ATM: variants seen among roughly 807,000 people sequenced by gnomAD.
ATM encodes ATM serine/threonine kinase.
ATM carries 308 observed loss-of-function variants against 387.0 expected under a neutral mutation model. The observed-to-expected ratio is 0.80, with a 90% CI of 0.73 to 0.87. The LOEUF (loss-of-function observed/expected upper bound fraction) is 0.87, where lower values mean the gene tolerates loss of function less well. Among genes scored for constraint, ATM ranks in the 40% least tolerant of loss-of-function variants. The probability of loss-of-function intolerance (pLI) is 0.00; values close to 1 mark genes in which losing one functional copy is unlikely to be tolerated. For synonymous variants in ATM, 1,156 were observed against 1,187.3 expected, an observed-to-expected ratio of 0.97 and a Z score of 0.54; for missense variants, 3,312 against 3,560.9, an observed-to-expected ratio of 0.93 and a Z score of 1.78.
intron 43 of ATM, among the ~76,000 whole-genome samples, chr11:108,318,517 C>T (rs920051043): frequency 6.6e-5 from 10 of 151,948 alleles, no homozygotes; most frequent in Admixed American, 2.6e-4. Flanking sequence ...TGGTGAAACT[C>T]CATCTCTACT....
chr11:108,296,661 G>A (rs1471300418), intron 32 of ATM, among the ~76,000 whole-genome samples: 1 of 152,192 alleles, frequency 6.6e-6, no homozygotes, highest in East Asian at 1.9e-4. Flanking sequence ...TATATAAAAT[G>A]TATGTAAATA....
In ATM at chr11:108,244,078, A is replaced by C. The variant is rs1292617227; in HGVS notation, c.622A>C (p.Lys208Gln). The change falls in exon 6 of 63, where the codon AAA becomes CAA. Residue 208 changes from lysine (K) to glutamine (Q), a missense_variant. Lys to Gln is a moderately conservative substitution (Grantham distance 53, BLOSUM62 1). Transcript: ENST00000675843. ...TTCTCAGACTGACGGATTAAATTCC[A>C]AATTTTTGGACTTTTTTTCCAAGGC... Reference protein sequence around the residue: ...CCSQTDGLNSKFLDFFSKAIQ... With the variant: ...CCSQTDGLNSQFLDFFSKAIQ... 6.2e-7 allele frequency: 1 copy of C among 1,613,852 alleles called. No individual in the cohort carries two copies. Among genetic ancestry groups the C allele is most frequent in the Admixed American group, 1.7e-5 (1 of 59,990 alleles).
chr11:108,348,032 T>C (rs988669336), intron 59 of ATM, among the ~76,000 whole-genome samples: 1 of 152,136 alleles, frequency 6.6e-6, no homozygotes, highest in Admixed American at 6.5e-5. Flanking sequence ...ACCAGTGATA[T>C]TAGATGAGGA....
At chr11:108,345,967 TG>T in intron 58 of ATM, 59 bp downstream of exon 58, 1 of 1,598,836 alleles carries the variant, frequency 6.3e-7, no homozygotes. Context: ...GTTTTATTTT[TG>T]TTTGATTCAG....
At chr11:108,358,029 A>C (rs1289446930) in intron 61 of ATM, among the ~76,000 whole-genome samples, 1 of 144,200 alleles carries the variant, frequency 6.9e-6, no homozygotes, top group Non-Finnish European at 1.5e-5. Flanking sequence ...CCAAAGGCAA[A>C]TAAGTTGACA....
intron 40 of ATM, among the ~76,000 whole-genome samples, chr11:108,315,442 CAT>C (rs1429474317): frequency 6.6e-6 from 1 of 152,024 alleles, no homozygotes; most frequent in Non-Finnish European, 1.5e-5. Context: ...TGAAATGTAT[CAT>C]ATCAAATGTA....
chr11:108,295,218 C>G, intron 32 of ATM, 159 bp downstream of exon 32: 1 of 890,948 alleles, frequency 1.1e-6, no homozygotes, highest in Non-Finnish European at 1.8e-6. Flanking sequence ...CTGGTCCTAA[C>G]TGGTCTTCTC....
chr11:108,343,146 C>A (rs2136933532), intron 56 of ATM, 76 bp from the exon 57 acceptor site: 2 of 1,569,114 alleles, frequency 1.3e-6, no homozygotes, highest in Non-Finnish European at 1.8e-6. Context: ...TTTGCACTGA[C>A]TCTGATAGCT....
chr11:108,311,700 A>G (rs2084176956), intron 39 of ATM, among the ~76,000 whole-genome samples: 1 of 151,890 alleles, frequency 6.6e-6, no homozygotes, highest in Non-Finnish European at 1.5e-5. Context: ...CCTATCTCAT[A>G]AACAAAAAAA....
Position 108,279,412 on chromosome 11 carries a change from G to A in ATM, c.3285-79G>A, listed in dbSNP as rs951946175. 11 of 1,003,078 alleles carry A rather than the reference G, an allele frequency of 1.1e-5. No homozygotes were observed. The East Asian group carries it at 2.4e-4, about 21-fold the overall frequency. The allele number at this position is 1,003,078 out of a possible 1,614,324, so 62.1% of individuals were successfully genotyped here. On this transcript the variant is annotated intron_variant, in intron 22 of 62. Coordinates refer to ENST00000675843, the MANE Select transcript of ATM (RefSeq NM_000051.4). Reference sequence around the variant, plus strand: ...CACAGAGTGATTTATTTTTGTTCTGGAATATGCTTTGGAAAGTAGGGTTTG... The same window carrying A: ...CACAGAGTGATTTATTTTTGTTCTGAAATATGCTTTGGAAAGTAGGGTTTG...
chr11:108,358,568 G>T (rs1411757905), intron 61 of ATM, among the ~76,000 whole-genome samples: 6 of 123,760 alleles, frequency 4.8e-5, no homozygotes, highest in African/African-American at 1.5e-4. Context: ...ACCCTCAAAG[G>T]GAAGCCCATC....
intron 15 of ATM, among the ~76,000 whole-genome samples, chr11:108,258,327 A>G (rs1258099639): frequency 6.6e-6 from 1 of 152,180 alleles, no homozygotes; most frequent in Non-Finnish European, 1.5e-5. Flanking sequence ...TTTTTCTGAG[A>G]TTGCCTTATG....
intron 61 of ATM, among the ~76,000 whole-genome samples, chr11:108,363,554 A>AG (rs747136507): frequency 1.3e-5 from 2 of 152,240 alleles, no homozygotes; most frequent in Non-Finnish European, 2.9e-5. Flanking sequence ...ATGGGAGATG[A>AG]GGATAGTATT....
At chr11:108,331,072 T>C in intron 50 of ATM, 1 of 700,450 alleles carries the variant, frequency 1.4e-6, no homozygotes, top group South Asian at 4.8e-5. Flanking sequence ...AATATTACTT[T>C]TGGCCTATGG....
chr11:108,362,332 C>T (rs1296143191), intron 61 of ATM, among the ~76,000 whole-genome samples: 9 of 151,360 alleles, frequency 5.9e-5, no homozygotes, highest in East Asian at 3.9e-4. Flanking sequence ...GAAATAGGAA[C>T]CCTTTTACAC....
chr11:108,350,034 A>G (rs1456119413), intron 59 of ATM, among the ~76,000 whole-genome samples: 1 of 152,158 alleles, frequency 6.6e-6, no homozygotes, highest in African/African-American at 2.4e-5. Flanking sequence ...TAAGAATTGG[A>G]GGGATGGTAA....
chr11:108,245,061 T>C, intron 7 of ATM, 35 bp downstream of exon 7: 1 of 1,515,310 alleles, frequency 6.6e-7, no homozygotes, highest in Non-Finnish European at 9.1e-7. Flanking sequence ...TGAATTTGCT[T>C]CTTCATTCAA....
At position 108,277,287 on chromosome 11, in the gene ATM, C is replaced by A. The variant is rs529382559; in HGVS notation, c.3285-2204C>A. Among the ~76,000 whole-genome samples, 229 of 152,284 alleles carry A rather than the reference C, an allele frequency of 1.5e-3. 1 individual carries two copies. The highest frequency in any genetic ancestry group is 2.4e-3 in the Non-Finnish European group (164 of 68,016). On this transcript the variant is annotated intron_variant, in intron 22 of 62. Transcript: ENST00000675843. ...CAGCGAGAATTTCAAGCCAGTGGAT[C>A]TTAACTTGCTGGTCTCCATGGGGGT...
intron 44 of ATM, among the ~76,000 whole-genome samples, chr11:108,320,749 G>A (rs1041742330): frequency 3.3e-5 from 5 of 152,142 alleles, no homozygotes; most frequent in African/African-American, 7.2e-5. Context: ...GGTTAGGAGT[G>A]CTGAGCCCCT....
Sources: gnomAD v4.1 joint callset for allele counts (sites outside exome capture counted in the v4.1 genomes callset) on GRCh38, gnomAD v4.1.1 for gene constraint, MANE v1.5 for transcripts, NCBI Gene and HGNC (gene_info 2026-07-23, HGNC 2026-07-21) for gene names.